BTBD8: variants seen among roughly 807,000 people sequenced by gnomAD.
BTBD8 encodes the protein BTB domain containing 8.
A neutral mutation model predicts 162.9 loss-of-function variants in BTBD8; 110 were observed. The observed-to-expected ratio is 0.68, with a 90% CI of 0.58 to 0.79. The LOEUF (loss-of-function observed/expected upper bound fraction) is 0.79, where lower values mean the gene tolerates loss of function less well. BTBD8 is among the 30% of genes least tolerant of loss of function. The pLI, the probability that BTBD8 is intolerant of heterozygous loss-of-function variation, is 0.00. For synonymous variants in BTBD8, 667 were observed against 716.1 expected (o/e 0.93, Z 1.10); for missense variants, 1,905 against 2,085.4 (o/e 0.91, Z 1.68).
At chr1:92,102,098 T>G (rs1322328854) in intron 2 of BTBD8, among the ~76,000 whole-genome samples, 1 of 152,204 alleles carries the variant, frequency 6.6e-6, no homozygotes, top group African/African-American at 2.4e-5. Context: ...CTCAGCTCAC[T>G]GCAACCTCCG....
chr1:92,097,839 T>C (rs1254198186), intron 2 of BTBD8, among the ~76,000 whole-genome samples: 5 of 152,234 alleles, frequency 3.3e-5, no homozygotes, highest in Non-Finnish European at 5.9e-5. Flanking sequence ...CTAAAGGCTA[T>C]GATTTACTAC....
rs931827343 is a variant in BTBD8, at chr1:92,181,877, T to C, written c.4194T>C (p.Asn1398=). ...CTGAAGCTGAAAACGTTGCAGAAAA[T>C]TTCTCTATATCTAACCCAGCTCCTC... ...ERSEAENVAE[N]FSISNPAPQQ... The change falls in exon 17 of 18, where the codon AAT becomes AAC. Residue 1398 remains asparagine, a synonymous_variant. Coordinates refer to ENST00000636805, the MANE Select transcript of BTBD8 (RefSeq NM_001376131.1). 3 of 1,550,874 alleles carry C rather than the reference T, an allele frequency of 1.9e-6. No homozygotes were observed. The highest frequency in any genetic ancestry group is 2.6e-6 in the Non-Finnish European group (3 of 1,146,862).
intron 5 of BTBD8, among the ~76,000 whole-genome samples, chr1:92,136,936 A>G (rs1649648639): frequency 6.6e-6 from 1 of 152,346 alleles, no homozygotes; most frequent in African/African-American, 2.4e-5. Flanking sequence ...TGTTTTTAAC[A>G]TTCAGTAATT....
At chr1:92,121,744 C>T (rs1649216250) in intron 4 of BTBD8, among the ~76,000 whole-genome samples, 1 of 152,214 alleles carries the variant, frequency 6.6e-6, no homozygotes, top group Non-Finnish European at 1.5e-5. Flanking sequence ...ATCCCTACCC[C>T]AGCCACAGGC....
intron 3 of BTBD8, 71 bp downstream of exon 3, chr1:92,102,740 G>T: frequency 7.8e-7 from 1 of 1,276,798 alleles, no homozygotes; most frequent in Non-Finnish European, 1.0e-6. Context: ...TTAGAGAAAA[G>T]CATACTTCAA....
At chr1:92,132,570 A>T (rs937750670) in intron 5 of BTBD8, among the ~76,000 whole-genome samples, 3 of 152,188 alleles carry the variant, frequency 2.0e-5, no homozygotes, top group Admixed American at 6.5e-5. Flanking sequence ...GACCAACTTT[A>T]GTAGCTTGTT....
intron 4 of BTBD8, among the ~76,000 whole-genome samples, chr1:92,116,844 G>C (rs776803032): frequency 6.7e-6 from 1 of 150,106 alleles, no homozygotes; most frequent in Non-Finnish European, 1.5e-5. Context: ...TTGAGTGTAA[G>C]TCTACCATTG....
At chr1:92,090,640 T>G (rs1048147248) in intron 2 of BTBD8, among the ~76,000 whole-genome samples, 6 of 152,224 alleles carry the variant, frequency 3.9e-5, no homozygotes, top group African/African-American at 1.4e-4. Flanking sequence ...TAAATTCTTA[T>G]GTAGTCAGGC....
In BTBD8 at chr1:92,107,966, T is replaced by C; in HGVS notation, c.627T>C (p.Asp209=). ...LYVKPCCPDI[D]IFVDGKRFKA... ...TGAAACCTTGTTGCCCAGATATTGA[T>C]ATTTTTGTTGATGGAAAACGTTTTA... Residue 209 remains aspartate (D), a synonymous_variant, in exon 4 of 18, where the codon GAT becomes GAC. Coordinates refer to ENST00000636805, the MANE Select transcript of BTBD8 (RefSeq NM_001376131.1). 1 of 1,614,142 alleles carries C rather than the reference T, an allele frequency of 6.2e-7. No individual in the cohort carries two copies. Among genetic ancestry groups the C allele is most frequent in the Non-Finnish European group, 8.5e-7 (1 of 1,179,984 alleles).
At chr1:92,106,196 C>T (rs984855149) in intron 3 of BTBD8, among the ~76,000 whole-genome samples, 4 of 152,218 alleles carry the variant, frequency 2.6e-5, no homozygotes, top group Non-Finnish European at 5.9e-5. Flanking sequence ...ATTTACTGGT[C>T]TCCATGTCAG....
At chr1:92,144,810 T>TACACACACAC (rs10631515) in intron 7 of BTBD8, among the ~76,000 whole-genome samples, 2,010 of 140,770 alleles carry the variant, frequency 0.014, 55 homozygotes, top group African/African-American at 0.05. Flanking sequence ...AAAAAAAAAC[T>TACACACACAC]ACACACACAC....
chr1:92,180,645 C>T lies in BTBD8; in HGVS notation c.2962C>T (p.His988Tyr). The T allele has an allele frequency of 6.4e-7, 1 of 1,551,254 alleles. No homozygotes were observed. The highest frequency in any genetic ancestry group is 8.7e-7 in the Non-Finnish European group (1 of 1,146,848). The change falls in exon 17 of 18, where the codon CAC (histidine) becomes TAC (tyrosine). Residue 988 changes from histidine (H) to tyrosine (Y), a missense_variant. This residue lies in a region of BTBD8 where 1,374 missense variants were observed against 1,442.7 expected (regional missense o/e 0.95). Transcript: ENST00000636805. ...NKDSVSEQKP[H>Y]KPLINLASEI... ...GGACAGTGTTTCTGAACAGAAGCCT[C>T]ACAAACCTCTCATTAATCTTGCATC...
At chr1:92,118,803 C>CTTTTTTCTTT (rs1649111694) in intron 4 of BTBD8, among the ~76,000 whole-genome samples, 1 of 95,282 alleles carries the variant, frequency 1.0e-5, no homozygotes, top group African/African-American at 4.7e-5. Flanking sequence ...TTCTTTCTTT[C>CTTTTTTCTTT]TTTTTTTTTT....
intron 7 of BTBD8, among the ~76,000 whole-genome samples, chr1:92,143,295 G>T (rs563113): frequency 0.7 from 106,829 of 151,784 alleles, 38,118 homozygotes; most frequent in East Asian, 0.97. Context: ...GAGTAGTCTT[G>T]GGACCATTGC....
chr1:92,101,631 A>G (rs907401519), intron 2 of BTBD8, among the ~76,000 whole-genome samples: 2 of 152,172 alleles, frequency 1.3e-5, no homozygotes, highest in Admixed American at 1.3e-4. Flanking sequence ...TTGGCATTAT[A>G]TATTACTTTT....
At chr1:92,135,523 C>A (rs1257981079) in intron 5 of BTBD8, among the ~76,000 whole-genome samples, 1 of 151,980 alleles carries the variant, frequency 6.6e-6, no homozygotes, top group Non-Finnish European at 1.5e-5. Flanking sequence ...AGCTTTTATT[C>A]TGATTACATT....
At chr1:92,165,067 G>A (rs943526429) in intron 9 of BTBD8, among the ~76,000 whole-genome samples, 3 of 150,658 alleles carry the variant, frequency 2.0e-5, no homozygotes, top group Non-Finnish European at 4.4e-5. Context: ...GCTGCAGTGA[G>A]CCATGTTCAA....
intron 2 of BTBD8, among the ~76,000 whole-genome samples, chr1:92,097,461 T>C (rs1648482095): frequency 6.6e-6 from 1 of 152,172 alleles, no homozygotes; most frequent in Admixed American, 6.5e-5. Context: ...ATATTCACAA[T>C]GTTGTGCCAC....
chr1:92,149,003 G>A (rs1360214715), intron 9 of BTBD8, among the ~76,000 whole-genome samples: 1 of 152,178 alleles, frequency 6.6e-6, no homozygotes, highest in East Asian at 1.9e-4. Context: ...CAGGAATAAA[G>A]TTTGGGCTAC....
Sources: allele counts gnomAD v4.1 joint callset (sites outside exome capture counted in the v4.1 genomes callset), GRCh38; gene constraint gnomAD v4.1.1; regional missense constraint gnomAD v4.1.1; transcripts MANE v1.5; gene names NCBI Gene and HGNC (gene_info 2026-07-23, HGNC 2026-07-21).